Variants in WASHC5 observed in about 807,000 individuals in gnomAD.
WASHC5 encodes WASH complex subunit strumpellin.
A neutral mutation model predicts 150.4 loss-of-function variants in WASHC5; 101 were observed. The observed-to-expected ratio is 0.67, with a 90% CI of 0.57 to 0.79. WASHC5 has a LOEUF of 0.79. WASHC5 is among the 30% of genes least tolerant of loss of function. WASHC5 has a pLI of 0.00. For synonymous variants in WASHC5, 467 were observed against 491.2 expected (o/e 0.95, Z 0.65); for missense variants, 1,195 against 1,396.3 (o/e 0.86, Z 2.30).
At chr8:125,045,357 C>A (rs1449234414) in intron 20 of WASHC5, among the ~76,000 whole-genome samples, 2 of 152,210 alleles carry the variant, frequency 1.3e-5, no homozygotes, top group African/African-American at 2.4e-5. Context: ...CATAATAGCT[C>A]TGTGGAATAC....
chr8:125,061,095 T>C lies in WASHC5; in HGVS notation c.1508A>G (p.Gln503Arg). ...GCGTTTCCTTACCTCTTCCAAAGCT[T>C]GTATCAGTTGTACAGTTTTTCTGCC... The part of the protein sequence containing the change: ...AAGRKTVQLI[Q>R]ALEEVQEFHQ... The change falls in exon 12 of 29, where the codon CAA becomes CGA. Residue 503 changes from glutamine (Q) to arginine (R), a missense_variant. Around this residue, in one of 3 missense-constraint regions of WASHC5, gnomAD observed 997 missense variants for 1,168.1 expected, o/e 0.85. Transcript: ENST00000318410. 1.9e-6 allele frequency: 3 copies of C among 1,601,898 alleles called. No individual in the cohort carries two copies. Among genetic ancestry groups the C allele is most frequent in the Non-Finnish European group, 1.7e-6 (2 of 1,169,018 alleles).
chr8:125,051,554 G>T (rs988849126), intron 17 of WASHC5, among the ~76,000 whole-genome samples: 3 of 152,200 alleles, frequency 2.0e-5, no homozygotes, highest in Non-Finnish European at 4.4e-5. Flanking sequence ...AACTGAAGGT[G>T]AAAGGCCCTA....
At chr8:125,079,876 T>C (rs1817197718) in intron 5 of WASHC5, among the ~76,000 whole-genome samples, 1 of 152,232 alleles carries the variant, frequency 6.6e-6, no homozygotes, top group African/African-American at 2.4e-5. Context: ...CTCGTGTATA[T>C]ATATTTTTTC....
chr8:125,028,505 G>T, intron 28 of WASHC5, 115 bp downstream of exon 28: 1 of 717,260 alleles, frequency 1.4e-6, no homozygotes, highest in Non-Finnish European at 2.5e-6. Flanking sequence ...GGCGAGAGGC[G>T]CAGAGGCATC....
In WASHC5 at chr8:125,072,190, A is replaced by G. The variant is rs542664053; in HGVS notation, c.1150+963T>C. On this transcript the variant is annotated intron_variant, in intron 9 of 28. Transcript: ENST00000318410. Reference sequence around the variant, plus strand: ...ACACTGTCTCTACAAAAAAATACAAAAAACTTAGCCAGGCATGATGGCACA... The same window carrying G: ...ACACTGTCTCTACAAAAAAATACAAGAAACTTAGCCAGGCATGATGGCACA... Among the ~76,000 whole-genome samples the G allele has an allele frequency of 2.0e-5, 3 of 152,008 alleles. No homozygotes were observed. In the South Asian group the frequency reaches 6.2e-4, roughly 32 times the overall value.
intron 9 of WASHC5, among the ~76,000 whole-genome samples, chr8:125,068,102 G>A (rs1586372340): frequency 1.3e-5 from 2 of 152,234 alleles, no homozygotes; most frequent in Admixed American, 1.3e-4. Context: ...AGTTGCTTTT[G>A]CTTTAGACAT....
intron 18 of WASHC5, among the ~76,000 whole-genome samples, chr8:125,049,435 G>A (rs1438800251): frequency 1.3e-5 from 2 of 151,710 alleles, no homozygotes; most frequent in Non-Finnish European, 2.9e-5. Context: ...GTGTGTACCT[G>A]TAATCCCAGC....
intron 8 of WASHC5, among the ~76,000 whole-genome samples, chr8:125,074,307 T>G (rs2130169404): frequency 6.6e-6 from 1 of 152,330 alleles, no homozygotes; most frequent in South Asian, 2.1e-4. Flanking sequence ...AATTATTTTG[T>G]GCATTATTTA....
intron 8 of WASHC5, 91 bp downstream of exon 8, chr8:125,074,907 T>A (rs1298311285): frequency 6.1e-6 from 5 of 816,564 alleles, no homozygotes; most frequent in Non-Finnish European, 1.1e-5. Context: ...GTGATTATCT[T>A]CCAAATTCCT....
intron 9 of WASHC5, among the ~76,000 whole-genome samples, chr8:125,072,919 T>C (rs1331078657): frequency 6.6e-6 from 1 of 152,186 alleles, no homozygotes; most frequent in African/African-American, 2.4e-5. Flanking sequence ...TCCTTGAACA[T>C]GAGAGATAAA....
At chr8:125,027,093 T>C (rs1815396811) in intron 28 of WASHC5, among the ~76,000 whole-genome samples, 1 of 152,244 alleles carries the variant, frequency 6.6e-6, no homozygotes, top group Admixed American at 6.5e-5. Context: ...TATCATTGCC[T>C]TGTTATTTCT....
chr8:125,047,205 A>C lies in WASHC5; in HGVS notation c.2504+2T>G, dbSNP rs1467471051. On this transcript the variant is annotated splice_donor_variant, in intron 20 of 28. Coordinates refer to ENST00000318410, the MANE Select transcript of WASHC5 (RefSeq NM_014846.4). LOFTEE classifies it high-confidence loss of function. Reference sequence around the variant, plus strand: ...GGCTCTGTAGAATTCAGGTACACCTACTTTGGGTCTGTGATCCGCAGGATT... The same window carrying C: ...GGCTCTGTAGAATTCAGGTACACCTCCTTTGGGTCTGTGATCCGCAGGATT... 2.5e-6 allele frequency: 4 copies of C among 1,614,006 alleles called. No homozygotes were observed. Among genetic ancestry groups the C allele is most frequent in the Non-Finnish European group, 3.4e-6 (4 of 1,179,894 alleles).
chr8:125,042,978 A>G (rs1273481335), intron 23 of WASHC5, among the ~76,000 whole-genome samples: 1 of 152,242 alleles, frequency 6.6e-6, no homozygotes, highest in Admixed American at 6.5e-5. Context: ...CAGAGAATGG[A>G]ACTTTTCAAA....
At chr8:125,031,268 C>G (rs1390758780) in intron 27 of WASHC5, among the ~76,000 whole-genome samples, 1 of 152,030 alleles carries the variant, frequency 6.6e-6, no homozygotes, top group Non-Finnish European at 1.5e-5. Context: ...CTTAGAAGAT[C>G]ACTTTGGTTC....
chr8:125,038,798 C>A (rs769011883), intron 25 of WASHC5, 32 bp downstream of exon 25: 5 of 1,612,384 alleles, frequency 3.1e-6, no homozygotes, highest in Non-Finnish European at 4.2e-6. Context: ...TCTGTACCCC[C>A]ATCCCCGCCA....
intron 11 of WASHC5, among the ~76,000 whole-genome samples, 186 bp downstream of exon 11, chr8:125,063,336 C>T (rs1271708779): frequency 6.6e-6 from 1 of 152,086 alleles, no homozygotes; most frequent in Non-Finnish European, 1.5e-5. Flanking sequence ...TGAACATTGC[C>T]CAAGAGAGCA....
chr8:125,049,010 G>A lies in WASHC5; in HGVS notation c.2375C>T (p.Thr792Met), dbSNP rs976759248. 1.2e-5 allele frequency: 20 copies of A among 1,608,878 alleles called. No homozygotes were observed. Among genetic ancestry groups the A allele is most frequent in the East Asian group, 4.5e-5 (2 of 44,766 alleles). The part of the protein sequence containing the change: ...VEQECNNFLR[T>M]KIQDWQSMYQ... ...ATTTTAAAATTTATTAGATACCTTC[G>A]TTCTTAGAAAGTTATTACACTCTTG... Residue 792 changes from threonine (T) to methionine (M), a missense_variant, in exon 19 of 29, where the codon ACG becomes ATG. By Grantham distance (81) the Thr-to-Met change is moderately conservative. Transcript: ENST00000318410.
chr8:125,046,599 T>G (rs1816075571), intron 20 of WASHC5, among the ~76,000 whole-genome samples: 1 of 152,246 alleles, frequency 6.6e-6, no homozygotes, highest in Admixed American at 6.5e-5. Flanking sequence ...TAAGCTTTTC[T>G]GTGCTTCAGT....
chr8:125,059,256 G>A lies in WASHC5; in HGVS notation c.1730C>T (p.Ser577Phe). ...GGTAGCTCTGAGTTTAGTAACCATG[G>A]ATGGATTTACCCTTATGCTTTCTTG... ...IMQESIRVNP[S>F]MVTKLRATFL... is the part of the protein sequence containing the mutation. Residue 577 changes from serine (S) to phenylalanine (F), a missense_variant, in exon 14 of 29, where the codon TCC becomes TTC. Transcript: ENST00000318410. The A allele has an allele frequency of 6.2e-7, 1 of 1,613,940 alleles. No individual in the cohort carries two copies. The highest frequency in any genetic ancestry group is 8.5e-7 in the Non-Finnish European group (1 of 1,179,838).
Sources: gnomAD v4.1 joint callset for allele counts (sites outside exome capture counted in the v4.1 genomes callset) on GRCh38, gnomAD v4.1.1 for gene constraint, gnomAD v4.1.1 regional missense constraint, MANE v1.5 for transcripts, NCBI Gene and HGNC (gene_info 2026-07-23, HGNC 2026-07-21) for gene names.